The following PCDHGA12 variants were observed in gnomAD, a reference collection of about 807,000 sequenced individuals.
The protein encoded by PCDHGA12 is protocadherin gamma-A12.
Under a neutral mutation model 61.1 loss-of-function variants are expected in PCDHGA12, and 43 were observed. The observed-to-expected ratio is 0.70, with a 90% CI of 0.55 to 0.91. PCDHGA12 has a LOEUF of 0.91. PCDHGA12 is among the 40% of genes least tolerant of loss of function. PCDHGA12 has a pLI of 0.00. For missense variants in PCDHGA12, 1,236 were observed against 1,227.7 expected, an observed-to-expected ratio of 1.01 and a Z score of -0.10; for synonymous variants, 520 against 542.9, an observed-to-expected ratio of 0.96 and a Z score of 0.59.
intron 3 of PCDHGA12, among the ~76,000 whole-genome samples, chr5:141,509,504 C>T (rs534951697): frequency 4.7e-4 from 72 of 152,246 alleles, no homozygotes; most frequent in Non-Finnish European, 8.4e-4. Flanking sequence ...CTGGATGTGA[C>T]GGTGTTGATG....
Position 141,494,842 on chromosome 5 carries a change from G to A in PCDHGA12, c.2460G>A (p.Gln820=). 1 of 1,614,116 alleles carries A rather than the reference G, an allele frequency of 6.2e-7. No homozygotes were observed. Among genetic ancestry groups the A allele is most frequent in the Non-Finnish European group, 8.5e-7 (1 of 1,180,018 alleles). The change falls in exon 2 of 4, where the codon CAG becomes CAA. Residue 820 remains glutamine, a synonymous_variant. Coordinates refer to ENST00000252085, the MANE Select transcript of PCDHGA12 (RefSeq NM_003735.3). ...APPNTDWRFS[Q]AQRPGTSGSQ... is the part of the protein sequence containing the mutation. ...CCAACACGGACTGGCGTTTCTCTCA[G>A]GCCCAGAGACCCGGCACCAGCGGGT... is the stretch of plus-strand genomic sequence containing the variant.
At position 141,489,586 on chromosome 5, in the gene PCDHGA12, C is replaced by T; in HGVS notation, c.2425-5221C>T. 1 of 1,614,082 alleles carries T rather than the reference C, an allele frequency of 6.2e-7. No individual in the cohort carries two copies. The highest frequency in any genetic ancestry group is 8.5e-7 in the Non-Finnish European group (1 of 1,179,988). On this transcript the variant is annotated intron_variant, in intron 1 of 3. Coordinates refer to ENST00000252085, the MANE Select transcript of PCDHGA12 (RefSeq NM_003735.3). This position sits in a 1 kb window ranked among gnomAD's most constrained non-coding sequence, Gnocchi z 4.5. ...GGTGGTGACTGAACACCCCCTGGAG[C>T]TAATCCGTGTAGAGGTAGAGATCCT...
intron 1 of PCDHGA12, among the ~76,000 whole-genome samples, chr5:141,438,747 T>C (rs2098059577): frequency 6.7e-6 from 1 of 148,680 alleles, no homozygotes. Flanking sequence ...CTGCAACCTC[T>C]GCCTCCTGGG....
intron 1 of PCDHGA12, among the ~76,000 whole-genome samples, chr5:141,472,712 G>A (rs1303609397): frequency 1.3e-5 from 2 of 151,972 alleles, no homozygotes; most frequent in Admixed American, 6.6e-5. Flanking sequence ...CAGGCCAGGC[G>A]CTGTGGCTCA....
chr5:141,442,153 C>T, intron 1 of PCDHGA12: 1 of 158,698 alleles, frequency 6.3e-6, no homozygotes, highest in Non-Finnish European at 1.4e-5. Flanking sequence ...CAGACCTCAG[C>T]GATCACTCTG....
intron 2 of PCDHGA12, among the ~76,000 whole-genome samples, chr5:141,501,236 G>T (rs571684337): frequency 5.5e-4 from 83 of 150,782 alleles, no homozygotes; most frequent in African/African-American, 2.0e-3. Context: ...TCAGTTTTTT[G>T]AGCATGATGT....
At chr5:141,492,993 G>A (rs952802686) in intron 1 of PCDHGA12, among the ~76,000 whole-genome samples, 5 of 152,216 alleles carry the variant, frequency 3.3e-5, no homozygotes, top group African/African-American at 1.2e-4. Flanking sequence ...CTGGCAGATG[G>A]AAAGCTATAG....
intron 1 of PCDHGA12, among the ~76,000 whole-genome samples, chr5:141,448,016 G>A (rs903673535): frequency 6.6e-6 from 1 of 152,006 alleles, no homozygotes; most frequent in South Asian, 2.1e-4. Context: ...AACCCAGGAG[G>A]TGGAGGTTGC....
intron 1 of PCDHGA12, among the ~76,000 whole-genome samples, chr5:141,459,035 A>T (rs1404092581): frequency 6.6e-6 from 1 of 152,218 alleles, no homozygotes; most frequent in Non-Finnish European, 1.5e-5. Context: ...ATCCAGCCTT[A>T]CCAGCTATAT....
Position 141,430,885 on chromosome 5 carries a change from C to G in PCDHGA12, c.126C>G (p.Gly42=). 6.2e-7 allele frequency: 1 copy of G among 1,605,218 alleles called. No homozygotes were observed. Among genetic ancestry groups the G allele is most frequent in the Non-Finnish European group, 8.5e-7 (1 of 1,176,424 alleles). The change falls in exon 1 of 4, where the codon GGC becomes GGG. Residue 42 remains glycine (G), a synonymous_variant. Coordinates refer to ENST00000252085, the MANE Select transcript of PCDHGA12 (RefSeq NM_003735.3). The part of the protein sequence containing the change: ...RYSVPEELEK[G]SRVGDISRDL... Reference sequence around the variant, plus strand: ...CAGTTCCGGAAGAGCTGGAGAAAGGCTCTAGGGTGGGCGACATCTCCAGGG... The same window carrying G: ...CAGTTCCGGAAGAGCTGGAGAAAGGGTCTAGGGTGGGCGACATCTCCAGGG...
At chr5:141,440,558 T>C (rs546919141) in intron 1 of PCDHGA12, 1 of 152,350 alleles carries the variant, frequency 6.6e-6, no homozygotes, top group East Asian at 1.9e-4. Context: ...TGTTATTAAG[T>C]TACGTATCTC....
At chr5:141,473,205 A>G (rs370808895) in intron 1 of PCDHGA12, among the ~76,000 whole-genome samples, 1 of 152,036 alleles carries the variant, frequency 6.6e-6, no homozygotes, top group African/African-American at 2.4e-5. Flanking sequence ...CTTCTAAAAA[A>G]TGCTTACTTC....
intron 1 of PCDHGA12, among the ~76,000 whole-genome samples, chr5:141,457,904 T>C (rs960822555): frequency 6.0e-5 from 9 of 150,288 alleles, no homozygotes; most frequent in African/African-American, 2.2e-4. Context: ...GTAGACAAGG[T>C]GTGAGGCCAG....
At position 141,487,362 on chromosome 5, in the gene PCDHGA12, C is replaced by T; in HGVS notation, c.2425-7445C>T. On this transcript the variant is annotated intron_variant, in intron 1 of 3. Transcript: ENST00000252085. The surrounding 1 kb of genome is among the most constrained non-coding windows in gnomAD (Gnocchi z 5.0). The stretch of plus-strand genomic sequence containing the variant: ...GGAGTCACATGCTTTCCTGCTGGCA[C>T]CTGTGCCTGTCTCACCAGATCTCGA... 3 of 1,614,200 alleles carry T rather than the reference C, an allele frequency of 1.9e-6. No homozygotes were observed. Among genetic ancestry groups the T allele is most frequent in the Non-Finnish European group, 2.5e-6 (3 of 1,180,044 alleles).
intron 1 of PCDHGA12, chr5:141,478,265 G>A: frequency 6.2e-7 from 1 of 1,614,196 alleles, no homozygotes; most frequent in African/African-American, 1.3e-5. Context: ...CATATTCAAA[G>A]TTTACAAGTG....
rs1367772661 is a variant in PCDHGA12, at chr5:141,512,193, GGAAGCTC to G, written c.*1026_*1032del. 2.0e-5 allele frequency: 3 copies of G among 152,756 alleles called. No homozygotes were observed. Among genetic ancestry groups the G allele is most frequent in the Non-Finnish European group, 4.4e-5 (3 of 68,136 alleles). 9.5% of individuals were successfully genotyped at this position (152,756 alleles called of 1,614,324 possible). ...GGATTAAACTGGCATTTCAGTCCAAGGAAGCTCGAAGCAGGTTTAGGACCAGGTCCCC... is the reference window on the plus strand; with the variant it reads ...GGATTAAACTGGCATTTCAGTCCAAGGAAGCAGGTTTAGGACCAGGTCCCC... On this transcript the variant is annotated 3_prime_UTR_variant, in exon 4 of 4. Coordinates refer to ENST00000252085, the MANE Select transcript of PCDHGA12 (RefSeq NM_003735.3).
intron 1 of PCDHGA12, among the ~76,000 whole-genome samples, chr5:141,468,079 C>A (rs2099157359): frequency 6.6e-6 from 1 of 151,986 alleles, no homozygotes; most frequent in African/African-American, 2.4e-5. Context: ...AATCCCAGCA[C>A]TTTGGGAGGT....
At chr5:141,494,991 G>A in intron 2 of PCDHGA12, 126 bp downstream of exon 2, 1 of 1,551,148 alleles carries the variant, frequency 6.4e-7, no homozygotes, top group Non-Finnish European at 8.7e-7. Context: ...AGATCCCAGG[G>A]AGGTCTTGGT....
chr5:141,471,658 G>T (rs1354815239), intron 1 of PCDHGA12: 1 of 152,106 alleles, frequency 6.6e-6, no homozygotes, highest in Admixed American at 6.5e-5. Flanking sequence ...ATGTGGGGAT[G>T]CAGAAAAAAA....
Sources: gnomAD v4.1 joint callset for allele counts (sites outside exome capture counted in the v4.1 genomes callset) on GRCh38, gnomAD v4.1.1 for gene constraint, Gnocchi (gnomAD v3.1) non-coding constraint, MANE v1.5 for transcripts, NCBI Gene and HGNC (gene_info 2026-07-23, HGNC 2026-07-21) for gene names.